Variants in SOX13 observed in about 807,000 individuals in gnomAD.
SOX13 encodes transcription factor SOX-13.
SOX13 carries 28 observed loss-of-function variants against 71.8 expected under a neutral mutation model. That is an observed-to-expected ratio of 0.39 (90% CI 0.29 to 0.53). The LOEUF (loss-of-function observed/expected upper bound fraction) is 0.53, where lower values mean the gene tolerates loss of function less well. SOX13 is among the 20% of genes least tolerant of loss of function. The pLI is 0.70. For missense variants in SOX13, 627 were observed against 810.3 expected (o/e 0.77, Z 2.75); for synonymous variants, 309 against 317.8 (o/e 0.97, Z 0.29).
At chr1:204,116,015 T>C in intron 4 of SOX13, 1 of 393,884 alleles carries the variant, frequency 2.5e-6, no homozygotes, top group Non-Finnish European at 4.5e-6. Context: ...TGATTATTAT[T>C]ATGCCCACTT....
chr1:204,091,302 A>C (rs1479226715), intron 1 of SOX13, among the ~76,000 whole-genome samples: 1 of 152,148 alleles, frequency 6.6e-6, no homozygotes, highest in African/African-American at 2.4e-5. Flanking sequence ...TGGGACCCAA[A>C]CGAATCAGTG....
In SOX13 at chr1:204,126,025, C is replaced by A. The variant is rs1434388583; in HGVS notation, c.1760C>A (p.Thr587Lys). 2 of 1,613,964 alleles carry A rather than the reference C, an allele frequency of 1.2e-6. No homozygotes were observed. Among genetic ancestry groups the A allele is most frequent in the Non-Finnish European group, 1.7e-6 (2 of 1,179,882 alleles). Residue 587 changes from threonine to lysine, a missense_variant, in exon 14 of 14, where the codon ACA (threonine) becomes AAA (lysine). Transcript: ENST00000367204. ...AGCCTCAGAGAGGAGGGTGAGGGCA[C>A]AGATGACAGGCACTCGGTGGCTGAT... ...TCSLREEGEG[T>K]DDRHSVADGE...
Position 204,082,241 on chromosome 1 carries a change from G to A in SOX13, c.-2+8530G>A, listed in dbSNP as rs547557130. ...TGTGTGTGTGTGGAGGGCCAGGTGTGGTGTGTGTGTGTGTGTGCACATATG... is the reference window on the plus strand; with the variant it reads ...TGTGTGTGTGTGGAGGGCCAGGTGTAGTGTGTGTGTGTGTGTGCACATATG... On this transcript the variant is annotated intron_variant, in intron 1 of 13. Coordinates refer to ENST00000367204, the MANE Select transcript of SOX13 (RefSeq NM_005686.3). 1.2e-4 allele frequency among the ~76,000 whole-genome samples: 18 copies of A among 150,676 alleles called. No homozygotes were observed. The East Asian group carries it at 2.9e-3, about 25-fold the overall frequency.
At position 204,086,547 on chromosome 1, in the gene SOX13, C is replaced by T. The variant is rs575402325; in HGVS notation, c.-2+12836C>T. Among the ~76,000 whole-genome samples the T allele has an allele frequency of 1.8e-4, 27 of 152,136 alleles. No homozygotes were observed. The East Asian group carries it at 3.9e-3, about 22-fold the overall frequency. The stretch of plus-strand genomic sequence containing the variant: ...CTATCTCTTGACTTCGTGATCTGCC[C>T]GCCTCGGCCTTCCAAAGTGCTGGGA... On this transcript the variant is annotated intron_variant, in intron 1 of 13. Coordinates refer to ENST00000367204, the MANE Select transcript of SOX13 (RefSeq NM_005686.3).
chr1:204,122,449 C>CCGG, intron 9 of SOX13, 50 bp downstream of exon 9: 1 of 1,481,618 alleles, frequency 6.7e-7, no homozygotes, highest in Non-Finnish European at 9.1e-7. Context: ...TAGGGGAGAG[C>CCGG]CGGCGGCATG....
chr1:204,079,825 C>T (rs1655865266), intron 1 of SOX13, among the ~76,000 whole-genome samples: 1 of 152,200 alleles, frequency 6.6e-6, no homozygotes, highest in African/African-American at 2.4e-5. Context: ...GATGGAACAG[C>T]AGCAGTGGTC....
chr1:204,090,408 C>CTTCT (rs202044793), intron 1 of SOX13, among the ~76,000 whole-genome samples: 6 of 118,560 alleles, frequency 5.1e-5, no homozygotes, highest in Non-Finnish European at 7.1e-5. Context: ...TCTTCTTCTT[C>CTTCT]TTTTTTTTTT....
intron 1 of SOX13, among the ~76,000 whole-genome samples, 178 bp from the exon 2 acceptor site, chr1:204,112,737 G>T (rs1656608330): frequency 6.6e-6 from 1 of 152,220 alleles, no homozygotes; most frequent in African/African-American, 2.4e-5. Context: ...GGATACAAGA[G>T]GCTTTGCTGA....
chr1:204,097,693 CAAAA>C (rs35230746), intron 1 of SOX13, among the ~76,000 whole-genome samples: 1 of 69,986 alleles, frequency 1.4e-5, no homozygotes, highest in Non-Finnish European at 3.2e-5. Context: ...AACTCCGTCT[CAAAA>C]AAAAAAAAAA....
In SOX13 at chr1:204,124,622, C is replaced by T; in HGVS notation, c.1376-19C>T. The T allele has an allele frequency of 1.1e-5, 18 of 1,595,072 alleles. No individual in the cohort carries two copies. Among genetic ancestry groups the T allele is most frequent in the East Asian group, 2.3e-5 (1 of 43,898 alleles). ...GCAGAGCCCAGCACTGACTGCCTGC[C>T]CCTGGGGGGTTGGGTCAGGATCTCG... On this transcript the variant is annotated intron_variant, in intron 12 of 13. Coordinates refer to ENST00000367204, the MANE Select transcript of SOX13 (RefSeq NM_005686.3).
chr1:204,120,872 G>T (rs565455862), intron 7 of SOX13, among the ~76,000 whole-genome samples: 22 of 152,276 alleles, frequency 1.4e-4, no homozygotes, highest in Admixed American at 1.3e-3. Context: ...AGGAAAGGCT[G>T]TGGAGTCTAG....
At chr1:204,120,735 C>T (rs1229553780) in intron 7 of SOX13, among the ~76,000 whole-genome samples, 2 of 152,188 alleles carry the variant, frequency 1.3e-5, no homozygotes, top group African/African-American at 4.8e-5. Context: ...TTTGCTGGTG[C>T]TCTGTCTGTG....
At chr1:204,077,711 G>T (rs542182746) in intron 1 of SOX13, among the ~76,000 whole-genome samples, 1 of 152,324 alleles carries the variant, frequency 6.6e-6, no homozygotes, top group Admixed American at 6.5e-5. Flanking sequence ...GTTAGCTCTG[G>T]ATACTGGACG....
In SOX13 at chr1:204,117,135, A is replaced by G; in HGVS notation, c.605A>G (p.Gln202Arg). ...RQQQEQIAKQQQQLIQQQHKI... is the reference protein window; with the variant it reads ...RQQQEQIAKQRQQLIQQQHKI... ...TCCCTCTCCCAGATTGCAAAGCAGC[A>G]GCAGCAGCTGATTCAGCAGCAGCAT... is the stretch of plus-strand genomic sequence containing the variant. The change falls in exon 6 of 14, where the codon CAG becomes CGG. Residue 202 changes from glutamine to arginine, a missense_variant. Coordinates refer to ENST00000367204, the MANE Select transcript of SOX13 (RefSeq NM_005686.3). The G allele has an allele frequency of 6.2e-7, 1 of 1,613,972 alleles. No homozygotes were observed. The highest frequency in any genetic ancestry group is 8.5e-7 in the Non-Finnish European group (1 of 1,179,856).
chr1:204,122,289 C>T lies in SOX13; in HGVS notation c.914C>T (p.Pro305Leu), dbSNP rs1415377837. The change falls in exon 9 of 14, where the codon CCC (proline) becomes CTC (leucine). Residue 305 changes from proline to leucine, a missense_variant. Around this residue, in one of 3 missense-constraint regions of SOX13, gnomAD observed 447 missense variants for 532.2 expected, o/e 0.84. Coordinates refer to ENST00000367204, the MANE Select transcript of SOX13 (RefSeq NM_005686.3). ...GCCAAGCCCAAGGCCCCCGAGCTGC[C>T]CAACACCTCCAGCTCCCCAAGCCTG... ...LTAKPKAPEL[P>L]NTSSSPSLKM... is the part of the protein sequence containing the mutation. 1 of 1,586,794 alleles carries T rather than the reference C, an allele frequency of 6.3e-7. No homozygotes were observed. The highest frequency in any genetic ancestry group is 8.6e-7 in the Non-Finnish European group (1 of 1,166,936).
chr1:204,085,757 G>A (rs866211272), intron 1 of SOX13, among the ~76,000 whole-genome samples: 42 of 151,798 alleles, frequency 2.8e-4, no homozygotes, highest in Middle Eastern at 3.4e-3. Context: ...GGTGGGTCAC[G>A]AGGTCAGGAG....
Position 204,124,705 on chromosome 1 carries a change from G to A in SOX13, c.1440G>A (p.Leu480=). 1.2e-6 allele frequency: 2 copies of A among 1,613,444 alleles called. No homozygotes were observed. The highest frequency in any genetic ancestry group is 1.1e-5 in the South Asian group (1 of 90,908). ...CCTACTATGAGGAACAGGCGCGGCT[G>A]AGCCGGCAGCACCTGGAGAAGTATC... ...KQPYYEEQAR[L]SRQHLEKYPD... Residue 480 remains leucine (L), a synonymous_variant, in exon 13 of 14, where the codon CTG becomes CTA. Coordinates refer to ENST00000367204, the MANE Select transcript of SOX13 (RefSeq NM_005686.3).
At position 204,122,304 on chromosome 1, in the gene SOX13, C is replaced by T; in HGVS notation, c.929C>T (p.Ser310Phe). 1 of 1,583,730 alleles carries T rather than the reference C, an allele frequency of 6.3e-7. No homozygotes were observed. Among genetic ancestry groups the T allele is most frequent in the Non-Finnish European group, 8.6e-7 (1 of 1,165,212 alleles). ...CCCGAGCTGCCCAACACCTCCAGCT[C>T]CCCAAGCCTGAAGATGAGCAGCTGT... The part of the protein sequence containing the change: ...KAPELPNTSS[S>F]PSLKMSSCVP... Residue 310 changes from serine to phenylalanine, a missense_variant, in exon 9 of 14, where the codon TCC (serine) becomes TTC (phenylalanine). Around this residue, in one of 3 missense-constraint regions of SOX13, gnomAD observed 447 missense variants for 532.2 expected, o/e 0.84. Transcript: ENST00000367204.
intron 7 of SOX13, 86 bp from the exon 8 acceptor site, chr1:204,121,814 A>C (rs1201745812): frequency 1.1e-6 from 1 of 941,316 alleles, no homozygotes; most frequent in East Asian, 2.5e-5. Context: ...GCCATTGCCC[A>C]TCTTGTGGTG....
Sources: gnomAD v4.1 joint callset for allele counts (sites outside exome capture counted in the v4.1 genomes callset) on GRCh38, gnomAD v4.1.1 for gene constraint, gnomAD v4.1.1 regional missense constraint, MANE v1.5 for transcripts, NCBI Gene and HGNC (gene_info 2026-07-23, HGNC 2026-07-21) for gene names.